UNC13C: variants seen among roughly 807,000 people sequenced by gnomAD.
UNC13C encodes protein unc-13 homolog C.
In UNC13C, 174 loss-of-function variants were observed where a neutral mutation model predicts 245.4. That is an observed-to-expected ratio of 0.71 (90% CI 0.63 to 0.80). The LOEUF (loss-of-function observed/expected upper bound fraction) is 0.80. UNC13C is among the 30% of genes least tolerant of loss of function. The pLI, the probability that UNC13C is intolerant of heterozygous loss-of-function variation, is 0.00. For synonymous variants in UNC13C, 992 were observed against 895.1 expected (o/e 1.11, Z -1.93); for missense variants, 2,829 against 2,602.9 (o/e 1.09, Z -1.89).
At chr15:54,472,128 T>C (rs930949366) in intron 19 of UNC13C, among the ~76,000 whole-genome samples, 2 of 151,874 alleles carry the variant, frequency 1.3e-5, no homozygotes, top group Non-Finnish European at 2.9e-5. Flanking sequence ...ACATCTATTA[T>C]AGCCTTTTTC....
chr15:54,335,828 T>C (rs2038559647), intron 16 of UNC13C, among the ~76,000 whole-genome samples: 1 of 152,184 alleles, frequency 6.6e-6, no homozygotes, highest in African/African-American at 2.4e-5. Flanking sequence ...TAAATAAGCA[T>C]GGGATTATAG....
chr15:54,034,220 G>C (rs1896479690), intron 2 of UNC13C, among the ~76,000 whole-genome samples: 1 of 152,176 alleles, frequency 6.6e-6, no homozygotes, highest in Non-Finnish European at 1.5e-5. Flanking sequence ...CTGTTTTGGT[G>C]CCTCAGCTCT....
At chr15:54,268,234 A>C (rs2140896243) in intron 10 of UNC13C, among the ~76,000 whole-genome samples, 1 of 151,864 alleles carries the variant, frequency 6.6e-6, no homozygotes, top group South Asian at 2.1e-4. Context: ...TGTAATGTCT[A>C]ACCTGCTAAA....
chr15:53,894,872 C>T, the UNC13C span, among the ~76,000 whole-genome samples: 7 of 152,044 alleles, frequency 4.6e-5, no homozygotes, highest in African/African-American at 1.7e-4. Context: ...TAACCCTTCA[C>T]CATGTTCAAT....
chr15:54,439,899 G>C (rs1004282350), intron 19 of UNC13C, among the ~76,000 whole-genome samples: 4 of 151,792 alleles, frequency 2.6e-5, no homozygotes, highest in African/African-American at 7.3e-5. Flanking sequence ...TTCTATCTAT[G>C]GTTGTAACCA....
intron 2 of UNC13C, among the ~76,000 whole-genome samples, chr15:54,110,796 C>T (rs1427356048): frequency 1.3e-5 from 2 of 152,126 alleles, no homozygotes; most frequent in Non-Finnish European, 2.9e-5. Context: ...TGATTGGCCT[C>T]ATAAGTGACC....
Position 54,235,112 on chromosome 15 carries a change from A to G in UNC13C, c.3150+4A>G, listed in dbSNP as rs1049434157. Reference sequence around the variant, plus strand: ...TTTGCCTATTGTCCGAGATGTGGTAAGTTACAACTGTTTAATTCTCTTCGA... The same window carrying G: ...TTTGCCTATTGTCCGAGATGTGGTAGGTTACAACTGTTTAATTCTCTTCGA... On this transcript the variant is annotated splice_donor_region_variant and intron_variant, in intron 5 of 32. Coordinates refer to ENST00000260323, the MANE Select transcript of UNC13C (RefSeq NM_001080534.3). The G allele has an allele frequency of 6.2e-7, 1 of 1,613,534 alleles. No homozygotes were observed. The highest frequency in any genetic ancestry group is 8.5e-7 in the Non-Finnish European group (1 of 1,179,500).
intron 10 of UNC13C, among the ~76,000 whole-genome samples, chr15:54,287,036 G>A (rs751431492): frequency 6.6e-6 from 1 of 152,126 alleles, no homozygotes; most frequent in Admixed American, 6.6e-5. Flanking sequence ...TATCAAGTTT[G>A]TGCAGTAAAA....
At chr15:54,129,507 A>T (rs1215174640) in intron 2 of UNC13C, among the ~76,000 whole-genome samples, 1 of 152,152 alleles carries the variant, frequency 6.6e-6, no homozygotes, top group Non-Finnish European at 1.5e-5. Context: ...AAAATATTAG[A>T]TATTCTTTCA....
At chr15:54,611,822 C>G (rs1167751891) in intron 30 of UNC13C, among the ~76,000 whole-genome samples, 1 of 151,950 alleles carries the variant, frequency 6.6e-6, no homozygotes, top group African/African-American at 2.4e-5. Context: ...AGATATTACT[C>G]AAAAAATTAA....
chr15:54,313,514 C>G lies in UNC13C; in HGVS notation c.4269-8425C>G, dbSNP rs559363889. ...AAGAGTCTCTTTGTAACCTCAAGTA[C>G]TAAGAAGAAAGATAATTCAACTTGT... On this transcript the variant is annotated intron_variant, in intron 13 of 32. Transcript: ENST00000260323. Among the ~76,000 whole-genome samples, 3 of 151,786 alleles carry G rather than the reference C, an allele frequency of 2.0e-5. No individual in the cohort carries two copies. In the South Asian group the frequency reaches 6.2e-4, roughly 31 times the overall value.
chr15:54,345,290 C>T (rs1276856025), intron 17 of UNC13C, among the ~76,000 whole-genome samples: 2 of 152,162 alleles, frequency 1.3e-5, no homozygotes, highest in Non-Finnish European at 2.9e-5. Context: ...TCCAGTAATA[C>T]AGTAAGAAAT....
At chr15:54,539,126 A>G (rs2141163317) in intron 26 of UNC13C, among the ~76,000 whole-genome samples, 1 of 152,228 alleles carries the variant, frequency 6.6e-6, no homozygotes, top group East Asian at 1.9e-4. Flanking sequence ...GGTAAGGATA[A>G]AAAAGAAATA....
chr15:54,586,572 T>G (rs1376258041), intron 30 of UNC13C, among the ~76,000 whole-genome samples: 2 of 152,232 alleles, frequency 1.3e-5, no homozygotes, highest in Non-Finnish European at 2.9e-5. Flanking sequence ...AAAGGCCCTT[T>G]CTTCCAATAA....
At chr15:54,270,029 T>A (rs192711221) in intron 10 of UNC13C, among the ~76,000 whole-genome samples, 54 of 152,316 alleles carry the variant, frequency 3.5e-4, no homozygotes, top group African/African-American at 1.2e-3. Flanking sequence ...AAATGCCAAC[T>A]TTTTTAACAT....
chr15:54,342,173 C>T (rs1171225272), intron 17 of UNC13C, among the ~76,000 whole-genome samples: 1 of 151,918 alleles, frequency 6.6e-6, no homozygotes, highest in African/African-American at 2.4e-5. Flanking sequence ...GTTTTCTTGT[C>T]TGTTACTTAT....
chr15:54,041,978 A>G (rs1219215995), intron 2 of UNC13C, among the ~76,000 whole-genome samples: 1 of 152,182 alleles, frequency 6.6e-6, no homozygotes, highest in African/African-American at 2.4e-5. Context: ...TCAACTTAGC[A>G]TGATGGTGCT....
At chr15:54,215,297 A>G (rs2035007009) in intron 4 of UNC13C, among the ~76,000 whole-genome samples, 1 of 151,924 alleles carries the variant, frequency 6.6e-6, no homozygotes, top group African/African-American at 2.4e-5. Context: ...CATTATACCA[A>G]AAACCTAGGA....
At chr15:54,227,499 C>T (rs1011697931) in intron 4 of UNC13C, among the ~76,000 whole-genome samples, 3 of 152,216 alleles carry the variant, frequency 2.0e-5, no homozygotes, top group African/African-American at 4.8e-5. Flanking sequence ...GCAGCACCCC[C>T]TCCCTCCCTT....
Sources: gnomAD v4.1 joint callset for allele counts (sites outside exome capture counted in the v4.1 genomes callset) on GRCh38, gnomAD v4.1.1 for gene constraint, MANE v1.5 for transcripts, NCBI Gene and HGNC (gene_info 2026-07-23, HGNC 2026-07-21) for gene names.